Variants in CNBD1 observed in about 807,000 individuals in gnomAD.
CNBD1 encodes the protein cyclic nucleotide-binding domain-containing protein 1.
In CNBD1, 71 loss-of-function variants were observed where a neutral mutation model predicts 54.4. The observed-to-expected ratio is 1.30, with a 90% CI of 1.08 to 1.59. CNBD1 has a LOEUF of 1.59. Ranked by LOEUF, CNBD1 falls within the 40% of genes most tolerant of loss-of-function variation. The probability of loss-of-function intolerance (pLI) is 0.00; values close to 1 mark genes in which losing one functional copy is unlikely to be tolerated. For synonymous variants in CNBD1, 182 were observed against 170.7 expected (o/e 1.07, Z -0.51); for missense variants, 659 against 518.0 (o/e 1.27, Z -2.64).
At chr8:87,366,338 T>G (rs1810641776) in intron 10 of CNBD1, among the ~76,000 whole-genome samples, 1 of 152,032 alleles carries the variant, frequency 6.6e-6, no homozygotes, top group South Asian at 2.1e-4. Context: ...GCTGCAGAAC[T>G]GAAATTCCTG....
At position 87,270,918 on chromosome 8, in the gene CNBD1, GA is replaced by G. The variant is rs371368187; in HGVS notation, c.772-13759del. On this transcript the variant is annotated intron_variant, in intron 6 of 10. Coordinates refer to ENST00000518476, the MANE Select transcript of CNBD1 (RefSeq NM_173538.3). ...TAATGTCCTGGGCTTTTGTTTGATG[GA>G]GGACTTTTTATTATGGCTTTGATTT... Among the ~76,000 whole-genome samples, 12 of 151,820 alleles carry G rather than the reference GA, an allele frequency of 7.9e-5. No individual in the cohort carries two copies. In the East Asian group the frequency reaches 2.3e-3, roughly 29 times the overall value.
intron 10 of CNBD1, among the ~76,000 whole-genome samples, chr8:87,364,105 CTGTTT>C (rs1810585896): frequency 6.6e-6 from 1 of 151,554 alleles, no homozygotes; most frequent in Admixed American, 6.6e-5. Flanking sequence ...AGGTATTATA[CTGTTT>C]TGTTAATGAG....
chr8:86,923,097 G>T (rs1024381313), intron 3 of CNBD1, among the ~76,000 whole-genome samples: 1 of 152,128 alleles, frequency 6.6e-6, no homozygotes, highest in Non-Finnish European at 1.5e-5. Flanking sequence ...ACACAAATAA[G>T]GTAACAAAGG....
At chr8:87,089,191 T>C (rs895233293) in intron 4 of CNBD1, among the ~76,000 whole-genome samples, 1 of 151,966 alleles carries the variant, frequency 6.6e-6, no homozygotes. Context: ...AATTAGAGAT[T>C]GAAAAAAGGG....
intron 6 of CNBD1, among the ~76,000 whole-genome samples, chr8:87,243,954 G>T (rs2336984): frequency 6.6e-6 from 1 of 151,760 alleles, no homozygotes; most frequent in African/African-American, 2.4e-5. Context: ...AAAAAATTTT[G>T]TATAAATTTA....
At chr8:87,374,629 G>T (rs1349215961) in intron 10 of CNBD1, among the ~76,000 whole-genome samples, 2 of 151,730 alleles carry the variant, frequency 1.3e-5, no homozygotes, top group East Asian at 1.9e-4. Flanking sequence ...TAGCAGTTAG[G>T]TTGGAGCCAT....
intron 1 of CNBD1, among the ~76,000 whole-genome samples, chr8:86,878,353 A>G (rs1808556245): frequency 6.6e-6 from 1 of 152,148 alleles, no homozygotes; most frequent in Non-Finnish European, 1.5e-5. Context: ...AGTTCAGCAG[A>G]CAGATTGAAT....
intron 10 of CNBD1, among the ~76,000 whole-genome samples, chr8:87,356,812 G>A (rs981759928): frequency 1.3e-5 from 2 of 152,136 alleles, no homozygotes; most frequent in Non-Finnish European, 2.9e-5. Flanking sequence ...CAAGATAATG[G>A]GAGAAGGTCC....
At chr8:86,900,864 A>G (rs1324226335) in intron 2 of CNBD1, among the ~76,000 whole-genome samples, 1 of 152,146 alleles carries the variant, frequency 6.6e-6, no homozygotes, top group Non-Finnish European at 1.5e-5. Context: ...ACTTTGTCAA[A>G]CAGATCTTTA....
chr8:87,038,430 G>C (rs1441783881), intron 4 of CNBD1, among the ~76,000 whole-genome samples: 1 of 152,154 alleles, frequency 6.6e-6, no homozygotes, highest in African/African-American at 2.4e-5. Flanking sequence ...GCAAAGGGAT[G>C]ATGATGTGGA....
At chr8:86,984,033 T>G (rs908620541) in intron 4 of CNBD1, among the ~76,000 whole-genome samples, 2 of 152,136 alleles carry the variant, frequency 1.3e-5, no homozygotes, top group Non-Finnish European at 2.9e-5. Flanking sequence ...CTCAGAGGAC[T>G]AGGAGAAAAA....
intron 4 of CNBD1, among the ~76,000 whole-genome samples, chr8:86,955,763 T>C (rs1316638304): frequency 6.6e-6 from 1 of 152,218 alleles, no homozygotes; most frequent in Non-Finnish European, 1.5e-5. Flanking sequence ...GTAAAAATTG[T>C]CTCTTGTTCT....
In CNBD1 at chr8:87,039,388, T is replaced by A. The variant is rs375798859; in HGVS notation, c.431+99634T>A. Among the ~76,000 whole-genome samples, 9 of 152,342 alleles carry A rather than the reference T, an allele frequency of 5.9e-5. No individual in the cohort carries two copies. In the East Asian group the frequency reaches 1.2e-3, roughly 20 times the overall value. On this transcript the variant is annotated intron_variant, in intron 4 of 10. Coordinates refer to ENST00000518476, the MANE Select transcript of CNBD1 (RefSeq NM_173538.3). ...ATGTTTGTACTCAAAAGTTTTGATCTTTTCCTTAGCTATCATTATAGCCCT... is the reference window on the plus strand; with the variant it reads ...ATGTTTGTACTCAAAAGTTTTGATCATTTCCTTAGCTATCATTATAGCCCT...
intron 9 of CNBD1, among the ~76,000 whole-genome samples, chr8:87,352,583 A>G (rs894382349): frequency 3.8e-4 from 58 of 152,226 alleles, no homozygotes; most frequent in African/African-American, 1.1e-3. Flanking sequence ...CAGTATATTT[A>G]TACTATGAAA....
At chr8:87,284,299 G>C (rs1242207573) in intron 6 of CNBD1, among the ~76,000 whole-genome samples, 1 of 151,748 alleles carries the variant, frequency 6.6e-6, no homozygotes, top group South Asian at 2.1e-4. Flanking sequence ...ATTCATTTTT[G>C]TTATTACTGA....
intron 8 of CNBD1, among the ~76,000 whole-genome samples, chr8:87,313,004 AATT>A (rs1347977461): frequency 6.6e-6 from 1 of 151,968 alleles, no homozygotes. Context: ...AAGTGTTTTG[AATT>A]ATTTTCATTA....
chr8:87,325,891 C>G (rs897605882), intron 8 of CNBD1, among the ~76,000 whole-genome samples: 2 of 134,978 alleles, frequency 1.5e-5, no homozygotes, highest in Non-Finnish European at 3.3e-5. Context: ...GCAGTTTCTT[C>G]CTAGTCTCGA....
At chr8:87,034,274 A>C (rs1809858299) in intron 4 of CNBD1, among the ~76,000 whole-genome samples, 1 of 152,200 alleles carries the variant, frequency 6.6e-6, no homozygotes, top group Admixed American at 6.5e-5. Context: ...AATATCATTC[A>C]AGGTTTATGG....
intron 4 of CNBD1, among the ~76,000 whole-genome samples, chr8:86,960,252 G>T (rs1371116121): frequency 6.6e-6 from 1 of 152,180 alleles, no homozygotes; most frequent in African/African-American, 2.4e-5. Context: ...AGCCATGACA[G>T]ATAGTACCTG....
Sources: allele counts gnomAD v4.1 joint callset (sites outside exome capture counted in the v4.1 genomes callset), GRCh38; gene constraint gnomAD v4.1.1; transcripts MANE v1.5; gene names NCBI Gene and HGNC (gene_info 2026-07-23, HGNC 2026-07-21).